The following SYNE1 variants were observed in gnomAD, a reference collection of about 807,000 sequenced individuals.
SYNE1 encodes nesprin-1.
SYNE1 carries 616 observed loss-of-function variants against 1,111.0 expected under a neutral mutation model. That is an observed-to-expected ratio of 0.55 (90% CI 0.52 to 0.59). The LOEUF is 0.59. Ranked by LOEUF, SYNE1 falls within the 20% of genes least tolerant of loss-of-function variation. The probability of loss-of-function intolerance (pLI) is 0.00; values close to 1 mark genes in which losing one functional copy is unlikely to be tolerated. For synonymous variants in SYNE1, 3,855 were observed against 3,825.8 expected (o/e 1.01, Z -0.28); for missense variants, 10,006 against 10,417.0 (o/e 0.96, Z 1.72).
At position 152,483,166 on chromosome 6, in the gene SYNE1, C is replaced by T. The variant is rs778681578; in HGVS notation, c.1269G>A (p.Val423=). The T allele has an allele frequency of 1.2e-6, 2 of 1,614,068 alleles. No individual in the cohort carries two copies. Among genetic ancestry groups the T allele is most frequent in the Admixed American group, 3.3e-5 (2 of 60,008 alleles). ...TIGAWLYRAE[V]ALREEITVQQ... ...GAACGGTTATTTCCTCTCTCAGGGC[C>T]ACCTCCGCTCTGTACAGCCAGGCAC... The change falls in exon 14 of 146, where the codon GTG becomes GTA. Residue 423 remains valine (V), a synonymous_variant. Coordinates refer to ENST00000367255, the MANE Select transcript of SYNE1 (RefSeq NM_182961.4).
chr6:152,313,255 T>C (rs1441708591), intron 87 of SYNE1, among the ~76,000 whole-genome samples: 1 of 152,164 alleles, frequency 6.6e-6, no homozygotes, highest in Non-Finnish European at 1.5e-5. Context: ...CCTGAGTCTG[T>C]TATTTCCCAG....
At chr6:152,207,245 G>A (rs1350905269) in intron 125 of SYNE1, among the ~76,000 whole-genome samples, 1 of 152,146 alleles carries the variant, frequency 6.6e-6, no homozygotes, top group Non-Finnish European at 1.5e-5. Flanking sequence ...AGTTGGTCCA[G>A]AGACCACAGG....
rs1206434955 is a variant in SYNE1, at chr6:152,148,924, G to T, written c.24643-546C>A. On this transcript the variant is annotated intron_variant, in intron 136 of 145. Transcript: ENST00000367255. The surrounding 1 kb of genome is among the most constrained non-coding windows in gnomAD (Gnocchi z 4.1). ...TCCTTATAGCCCAGATATAAAATAG[G>T]TTTGATCGTAGAAGATTCCAAATAC... Among the ~76,000 whole-genome samples the T allele has an allele frequency of 6.6e-6, 1 of 152,112 alleles. No homozygotes were observed. The highest frequency in any genetic ancestry group is 2.4e-5 in the African/African-American group (1 of 41,422).
Position 152,323,727 on chromosome 6 carries a change from G to A in SYNE1, c.15668C>T (p.Ala5223Val). The change falls in exon 82 of 146, where the codon GCC becomes GTC. Residue 5223 changes from alanine (A) to valine (V), a missense_variant. Ala to Val is a moderately conservative substitution (Grantham distance 64, BLOSUM62 0). Coordinates refer to ENST00000367255, the MANE Select transcript of SYNE1 (RefSeq NM_182961.4). ...WTGFNNKVKK[A>V]TEMIDQLQDK... ...TTGCAGCTGATCAATCATTTCAGTG[G>A]CCTTTTTAACCTGATGACAAATGTA... 1.2e-6 allele frequency: 2 copies of A among 1,614,104 alleles called. No individual in the cohort carries two copies. The highest frequency in any genetic ancestry group is 1.7e-6 in the Non-Finnish European group (2 of 1,180,012).
intron 3 of SYNE1, among the ~76,000 whole-genome samples, chr6:152,596,961 T>C (rs1249904603): frequency 6.6e-6 from 1 of 152,162 alleles, no homozygotes; most frequent in Non-Finnish European, 1.5e-5. Flanking sequence ...AGGGCCTCCA[T>C]ATGTCTGGGG....
chr6:152,358,468 C>T lies in SYNE1; in HGVS notation c.10513G>A (p.Glu3505Lys). The T allele has an allele frequency of 6.2e-7, 1 of 1,614,160 alleles. No homozygotes were observed. Among genetic ancestry groups the T allele is most frequent in the Non-Finnish European group, 8.5e-7 (1 of 1,180,016 alleles). ...TCTTGTTCTTGCCCCAACCAAACTTCAAATGCCTTTAGGTCTCTCTGATAC... is the reference window on the plus strand; with the variant it reads ...TCTTGTTCTTGCCCCAACCAAACTTTAAATGCCTTTAGGTCTCTCTGATAC... ...QEYQRDLKAF[E>K]VWLGQEQEKL... The change falls in exon 66 of 146, where the codon GAA (glutamate) becomes AAA (lysine). Residue 3505 changes from glutamate to lysine, a missense_variant. By Grantham distance (56) the Glu-to-Lys change is moderately conservative. Transcript: ENST00000367255.
Position 152,421,466 on chromosome 6 carries a change from G to T in SYNE1, c.5268-1744C>A, listed in dbSNP as rs938812619. 2.0e-5 allele frequency among the ~76,000 whole-genome samples: 3 copies of T among 151,932 alleles called. No homozygotes were observed. In the East Asian group the frequency reaches 5.8e-4, roughly 29 times the overall value. Reference sequence around the variant, plus strand: ...CTTGCAAATAAGTTGATCCTACTGTGATTTGTCTTTGGTAGAAATTGGGGG... The same window carrying T: ...CTTGCAAATAAGTTGATCCTACTGTTATTTGTCTTTGGTAGAAATTGGGGG... On this transcript the variant is annotated intron_variant, in intron 39 of 145. Coordinates refer to ENST00000367255, the MANE Select transcript of SYNE1 (RefSeq NM_182961.4).
chr6:152,599,736 G>A (rs190201314), intron 3 of SYNE1, among the ~76,000 whole-genome samples: 1 of 152,234 alleles, frequency 6.6e-6, no homozygotes, highest in Admixed American at 6.5e-5. Context: ...GTATTCAAGG[G>A]TATTATTTTC....
rs754176545 is a variant in SYNE1 at position 152,455,928 on chromosome 6, C to T, written c.2685G>A (p.Thr895=). ...TATCTGCAATCTGTCTTTGTAGCCTCGTCTGATCAAAATGCTTTAACACGT... is the reference window on the plus strand; with the variant it reads ...TATCTGCAATCTGTCTTTGTAGCCTTGTCTGATCAAAATGCTTTAACACGT... ...LSNVLKHFDQ[T]RLQRQIADIH... Residue 895 remains threonine, a synonymous_variant, in exon 23 of 146, where the codon ACG becomes ACA. Transcript: ENST00000367255. The T allele has an allele frequency of 1.4e-5, 22 of 1,613,980 alleles. No individual in the cohort carries two copies. In the South Asian group the frequency reaches 2.0e-4, roughly 14 times the overall value.
At chr6:152,509,348 C>T (rs2099073864) in intron 8 of SYNE1, among the ~76,000 whole-genome samples, 1 of 151,340 alleles carries the variant, frequency 6.6e-6, no homozygotes, top group South Asian at 2.1e-4. Flanking sequence ...CCTCCACCTC[C>T]CAGGTTCAAG....
intron 3 of SYNE1, among the ~76,000 whole-genome samples, chr6:152,592,874 A>G (rs1264696685): frequency 2.0e-5 from 3 of 152,052 alleles, no homozygotes; most frequent in African/African-American, 4.8e-5. Flanking sequence ...GCATGTCTTC[A>G]TGGGCCCAGT....
At chr6:152,538,383 T>C (rs1208500735) in intron 4 of SYNE1, among the ~76,000 whole-genome samples, 1 of 152,174 alleles carries the variant, frequency 6.6e-6, no homozygotes, top group African/African-American at 2.4e-5. Flanking sequence ...TACATAGTTC[T>C]ATCTATTGTC....
At position 152,560,258 on chromosome 6, in the gene SYNE1, C is replaced by T. The variant is rs1032357146; in HGVS notation, c.68-20237G>A. 1.2e-4 allele frequency among the ~76,000 whole-genome samples: 18 copies of T among 151,964 alleles called. No individual in the cohort carries two copies. In the East Asian group the frequency reaches 2.5e-3, roughly 21 times the overall value. On this transcript the variant is annotated intron_variant, in intron 3 of 145. Transcript: ENST00000367255. ...GCATGCACCTATAGTCCCAGCTACT[C>T]GGGAGGCTGAGGTGGGAGAATCGCT...
intron 102 of SYNE1, 152 bp downstream of exon 102, chr6:152,256,482 G>T: frequency 1.3e-6 from 1 of 742,522 alleles, no homozygotes; most frequent in Non-Finnish European, 2.2e-6. Flanking sequence ...TGGGACTCCA[G>T]GGTCCAGTGA....
chr6:152,535,819 T>C (rs915263153), intron 4 of SYNE1, among the ~76,000 whole-genome samples: 1 of 152,212 alleles, frequency 6.6e-6, no homozygotes, highest in African/African-American at 2.4e-5. Context: ...CAACAGTCTA[T>C]GAATTTTATA....
chr6:152,546,006 A>C (rs1228648368), intron 3 of SYNE1: 1 of 152,198 alleles, frequency 6.6e-6, no homozygotes, highest in Non-Finnish European at 1.5e-5. Context: ...TCTTCCCACA[A>C]CCAAATGACG....
chr6:152,599,906 A>C (rs913733608), intron 3 of SYNE1, among the ~76,000 whole-genome samples: 1 of 152,246 alleles, frequency 6.6e-6, no homozygotes, highest in African/African-American at 2.4e-5. Flanking sequence ...GATATCTGGT[A>C]GGTGAAATGT....
intron 4 of SYNE1, among the ~76,000 whole-genome samples, chr6:152,536,793 TA>T (rs1263338664): frequency 2.6e-5 from 4 of 152,084 alleles, no homozygotes; most frequent in Admixed American, 2.6e-4. Context: ...AGTCCACTCC[TA>T]AACATCTTTT....
At chr6:152,189,137 TGTCCGTACTAA>T (rs2071441336) in intron 128 of SYNE1, 104 bp downstream of exon 128, 7 of 1,065,940 alleles carry the variant, frequency 6.6e-6, no homozygotes, top group Non-Finnish European at 1.0e-5. Context: ...GTTCTTCCTT[TGTCCGTACTAA>T]GAATTATGGG....
Sources: gnomAD v4.1 joint callset for allele counts (sites outside exome capture counted in the v4.1 genomes callset) on GRCh38, gnomAD v4.1.1 for gene constraint, Gnocchi (gnomAD v3.1) non-coding constraint, MANE v1.5 for transcripts, NCBI Gene and HGNC (gene_info 2026-07-23, HGNC 2026-07-21) for gene names.